CAMKMT: variants seen among roughly 807,000 people sequenced by gnomAD.
The protein encoded by CAMKMT is CaM KMT.
CAMKMT carries 53 observed loss-of-function variants against 48.0 expected under a neutral mutation model. That is an observed-to-expected ratio of 1.10 (90% CI 0.89 to 1.39). CAMKMT has a LOEUF of 1.39. Among genes scored for constraint, CAMKMT ranks in the 40% most tolerant of loss-of-function variants. The pLI, the probability that CAMKMT is intolerant of heterozygous loss-of-function variation, is 0.00. For missense variants in CAMKMT, 428 were observed against 402.7 expected (o/e 1.06, Z -0.54); for synonymous variants, 165 against 152.3 (o/e 1.08, Z -0.61).
chr2:44,508,285 G>T (rs1036035411), intron 3 of CAMKMT, among the ~76,000 whole-genome samples: 2 of 152,156 alleles, frequency 1.3e-5, no homozygotes, highest in Non-Finnish European at 2.9e-5. Flanking sequence ...TAAACCTATA[G>T]CCACATTGGT....
chr2:44,548,364 A>T (rs1301881095), intron 3 of CAMKMT, among the ~76,000 whole-genome samples: 1 of 152,128 alleles, frequency 6.6e-6, no homozygotes, highest in Non-Finnish European at 1.5e-5. Context: ...TTTGGTTTGT[A>T]CTGGTTCTTT....
intron 3 of CAMKMT, chr2:44,549,530 A>G (rs1183336592): frequency 1.4e-6 from 1 of 693,908 alleles, no homozygotes; most frequent in East Asian, 2.7e-5. Flanking sequence ...AAATGTATAT[A>G]TAATTTTTTT....
intron 3 of CAMKMT, among the ~76,000 whole-genome samples, chr2:44,569,128 C>T (rs1668773611): frequency 6.6e-6 from 1 of 152,080 alleles, no homozygotes; most frequent in South Asian, 2.1e-4. Flanking sequence ...TCATGCTGTC[C>T]TGTGATTTTT....
chr2:44,595,612 C>T (rs1670604784), intron 3 of CAMKMT, among the ~76,000 whole-genome samples: 1 of 152,182 alleles, frequency 6.6e-6, no homozygotes, highest in Non-Finnish European at 1.5e-5. Flanking sequence ...ATGAAGCTAC[C>T]ATTGACTTTC....
intron 3 of CAMKMT, among the ~76,000 whole-genome samples, chr2:44,416,669 G>A (rs1683577047): frequency 6.7e-6 from 1 of 148,328 alleles, no homozygotes; most frequent in African/African-American, 2.5e-5. Context: ...TGCCTCCTGG[G>A]TTCAAGTGAT....
At chr2:44,691,481 A>G (rs343979) in intron 3 of CAMKMT, among the ~76,000 whole-genome samples, 77,366 of 152,040 alleles carry the variant, frequency 0.51, 20,444 homozygotes, top group African/African-American at 0.56. Flanking sequence ...ATTTTAATGC[A>G]TTTTTAATCA....
At chr2:44,630,980 A>G in intron 3 of CAMKMT, among the ~76,000 whole-genome samples, 1 of 152,078 alleles carries the variant, frequency 6.6e-6, no homozygotes, top group Non-Finnish European at 1.5e-5. Flanking sequence ...CACAATAGCA[A>G]AGACTTGGAA....
intron 3 of CAMKMT, among the ~76,000 whole-genome samples, chr2:44,588,152 C>A (rs958146993): frequency 2.2e-5 from 3 of 135,892 alleles, no homozygotes; most frequent in Non-Finnish European, 4.8e-5. Context: ...ATGTGAGGAG[C>A]GCCTCTGCCC....
intron 3 of CAMKMT, among the ~76,000 whole-genome samples, chr2:44,647,642 A>T (rs2104022503): frequency 6.6e-6 from 1 of 152,270 alleles, no homozygotes; most frequent in Non-Finnish European, 1.5e-5. Flanking sequence ...ACAGTGGCTC[A>T]CACCTGTAAT....
intron 3 of CAMKMT, among the ~76,000 whole-genome samples, chr2:44,506,027 G>T (rs1315975733): frequency 6.6e-6 from 1 of 151,850 alleles, no homozygotes; most frequent in African/African-American, 2.4e-5. Context: ...GCTAATTTTT[G>T]TATTTTTTTA....
At chr2:44,463,627 G>T (rs1057469826) in intron 3 of CAMKMT, among the ~76,000 whole-genome samples, 3 of 152,282 alleles carry the variant, frequency 2.0e-5, no homozygotes, top group Non-Finnish European at 4.4e-5. Flanking sequence ...GATACCTGGG[G>T]TCTACAGTGA....
chr2:44,380,828 C>A (rs1007951293), intron 2 of CAMKMT, among the ~76,000 whole-genome samples: 1 of 152,092 alleles, frequency 6.6e-6, no homozygotes, highest in Non-Finnish European at 1.5e-5. Context: ...TGCCTACCCC[C>A]TTAAAAAGGT....
chr2:44,444,227 A>G (rs1420541829), intron 3 of CAMKMT, among the ~76,000 whole-genome samples: 4 of 152,220 alleles, frequency 2.6e-5, no homozygotes, highest in Non-Finnish European at 5.9e-5. Context: ...AAGAGCATTA[A>G]ATTCAGTCCT....
chr2:44,522,129 G>A (rs942384066), intron 3 of CAMKMT, among the ~76,000 whole-genome samples: 10 of 151,286 alleles, frequency 6.6e-5, no homozygotes, highest in African/African-American at 1.2e-4. Context: ...TCAGCCTGCC[G>A]AGTAGCTGGG....
At chr2:44,555,450 G>T (rs1667956011) in intron 3 of CAMKMT, among the ~76,000 whole-genome samples, 1 of 152,238 alleles carries the variant, frequency 6.6e-6, no homozygotes, top group East Asian at 1.9e-4. Flanking sequence ...GGTGAGGATG[G>T]GGAGGGAGGA....
chr2:44,421,356 A>G (rs1181344275), intron 3 of CAMKMT, among the ~76,000 whole-genome samples: 1 of 152,162 alleles, frequency 6.6e-6, no homozygotes, highest in East Asian at 1.9e-4. Flanking sequence ...TTTAAAGATA[A>G]AAAACTTCAA....
intron 2 of CAMKMT, among the ~76,000 whole-genome samples, chr2:44,382,123 G>A (rs1225941604): frequency 6.6e-6 from 1 of 151,886 alleles, no homozygotes; most frequent in Non-Finnish European, 1.5e-5. Flanking sequence ...TGTATTTTTA[G>A]TAGAGACAGG....
chr2:44,466,643 A>G (rs186200787), intron 3 of CAMKMT, among the ~76,000 whole-genome samples: 18 of 152,294 alleles, frequency 1.2e-4, no homozygotes, highest in Middle Eastern at 3.4e-3. Context: ...AAGCTAGTAG[A>G]AGGAAGGATA....
chr2:44,423,021 C>G (rs1372262382), intron 3 of CAMKMT, among the ~76,000 whole-genome samples: 3 of 152,102 alleles, frequency 2.0e-5, no homozygotes, highest in Non-Finnish European at 2.9e-5. Flanking sequence ...GTATCTTCCA[C>G]CTGCAGCAGC....
Sources: gnomAD v4.1 joint callset for allele counts (sites outside exome capture counted in the v4.1 genomes callset) on GRCh38, gnomAD v4.1.1 for gene constraint, MANE v1.5 for transcripts, NCBI Gene and HGNC (gene_info 2026-07-23, HGNC 2026-07-21) for gene names.